The following BSN variants were observed in gnomAD, a reference collection of about 807,000 sequenced individuals.
BSN encodes bassoon presynaptic cytomatrix protein, also known as protein bassoon.
In BSN, 57 loss-of-function variants were observed where a neutral mutation model predicts 264.8. The ratio of observed to expected loss-of-function variants is 0.22; its 90% CI spans 0.17 to 0.27. BSN has a LOEUF of 0.27. Ranked by LOEUF, BSN falls within the 10% of genes least tolerant of loss-of-function variation. The pLI, the probability that BSN is intolerant of heterozygous loss-of-function variation, is 1.00. For synonymous variants in BSN, 2,059 were observed against 2,137.3 expected (o/e 0.96, Z 1.01); for missense variants, 4,615 against 5,232.5 (o/e 0.88, Z 3.64).
intron 1 of BSN, among the ~76,000 whole-genome samples, chr3:49,591,409 C>T (rs762391976): frequency 2.7e-4 from 41 of 152,164 alleles, no homozygotes; most frequent in Non-Finnish European, 5.6e-4. Flanking sequence ...TTTACCAGCA[C>T]TCTTTGTCTT....
chr3:49,618,644 T>G (rs1312156480), intron 1 of BSN, among the ~76,000 whole-genome samples: 1 of 152,256 alleles, frequency 6.6e-6, no homozygotes, highest in African/African-American at 2.4e-5. Flanking sequence ...CCTGCGTAGC[T>G]ACTCAGACTG....
Position 49,642,320 on chromosome 3 carries a change from A to T in BSN, c.686A>T (p.Asp229Val). The T allele has an allele frequency of 6.3e-7, 1 of 1,593,638 alleles. No individual in the cohort carries two copies. Among genetic ancestry groups the T allele is most frequent in the Non-Finnish European group, 8.5e-7 (1 of 1,170,694 alleles). Reference sequence around the variant, plus strand: ...CAGATGCAGAGGGCTCTGGGAATGGACATGACCACTGCACCTCGCTCCAAG... The same window carrying T: ...CAGATGCAGAGGGCTCTGGGAATGGTCATGACCACTGCACCTCGCTCCAAG... ...NCQMQRALGM[D>V]MTTAPRSKSQ... The change falls in exon 3 of 12, where the codon GAC becomes GTC. Residue 229 changes from aspartate (D) to valine (V), a missense_variant. Physicochemically the swap from Asp to Val is radical, Grantham distance 152. Transcript: ENST00000296452. The surrounding 1 kb of genome is among the most constrained non-coding windows in gnomAD (Gnocchi z 7.0).
At position 49,653,308 on chromosome 3, in the gene BSN, G is replaced by C; in HGVS notation, c.3752G>C (p.Ser1251Thr). 6.2e-7 allele frequency: 1 copy of C among 1,612,432 alleles called. No homozygotes were observed. The highest frequency in any genetic ancestry group is 8.5e-7 in the Non-Finnish European group (1 of 1,179,696). ...CCTGCCGCAGAGGGCACGCCAGCCAGCCTGGGAGCAGCCGTGTACGAAGAA... is the reference window on the plus strand; with the variant it reads ...CCTGCCGCAGAGGGCACGCCAGCCACCCTGGGAGCAGCCGTGTACGAAGAA... ...AQPAAEGTPA[S>T]LGAAVYEEIL... The change falls in exon 5 of 12, where the codon AGC becomes ACC. Residue 1251 changes from serine (S) to threonine (T), a missense_variant. Around this residue, in one of 3 missense-constraint regions of BSN, gnomAD observed 3,415 missense variants for 3,866.4 expected, o/e 0.88. Transcript: ENST00000296452. The surrounding 1 kb of genome is among the most constrained non-coding windows in gnomAD (Gnocchi z 6.3).
At chr3:49,610,466 C>T (rs2052197155) in intron 1 of BSN, among the ~76,000 whole-genome samples, 1 of 151,096 alleles carries the variant, frequency 6.6e-6, no homozygotes, top group African/African-American at 2.4e-5. Flanking sequence ...GGCCTGTAAT[C>T]CCAGCTACTC....
At chr3:49,627,698 T>C (rs2052351533) in intron 2 of BSN, among the ~76,000 whole-genome samples, 1 of 152,198 alleles carries the variant, frequency 6.6e-6, no homozygotes, top group Non-Finnish European at 1.5e-5. Flanking sequence ...GGCCTGAGAT[T>C]CTGGGCATGT....
chr3:49,612,508 G>A (rs2052216403), intron 1 of BSN, among the ~76,000 whole-genome samples: 2 of 152,174 alleles, frequency 1.3e-5, no homozygotes, highest in African/African-American at 4.8e-5. Context: ...ACTTGTCAGA[G>A]TCCAGAGGGC....
rs779437137 is a variant in BSN at position 49,625,079 on chromosome 3, G to T, written c.329G>T (p.Arg110Leu). 6.2e-7 allele frequency: 1 copy of T among 1,607,518 alleles called. No homozygotes were observed. The highest frequency in any genetic ancestry group is 1.7e-5 in the Admixed American group (1 of 58,498). ...SATTPGHESP[R>L]ETRAQGPAGQ... ...ACCACTCCTGGCCATGAGAGCCCCC[G>T]AGAGACAAGGGCACAGGGACCAGCA... Residue 110 changes from arginine (R) to leucine (L), a missense_variant, in exon 2 of 12, where the codon CGA (arginine) becomes CTA (leucine). Physicochemically the swap from Arg to Leu is moderately radical, Grantham distance 102 (BLOSUM62 -2). Coordinates refer to ENST00000296452, the MANE Select transcript of BSN (RefSeq NM_003458.4). The surrounding 1 kb of genome is among the most constrained non-coding windows in gnomAD (Gnocchi z 4.4).
intron 2 of BSN, chr3:49,641,540 A>T (rs1341342672): frequency 6.6e-6 from 1 of 152,184 alleles, no homozygotes; most frequent in African/African-American, 2.4e-5. Flanking sequence ...GGCATGAATT[A>T]TCCCACTTCT....
At chr3:49,605,935 T>A (rs796584358) in intron 1 of BSN, among the ~76,000 whole-genome samples, 34 of 86,666 alleles carry the variant, frequency 3.9e-4, no homozygotes, top group East Asian at 2.1e-3. Flanking sequence ...TAAAATCTAT[T>A]TATATATAAA....
At chr3:49,619,414 C>G (rs981941470) in intron 1 of BSN, among the ~76,000 whole-genome samples, 5 of 152,332 alleles carry the variant, frequency 3.3e-5, no homozygotes, top group South Asian at 4.1e-4. Context: ...CTTTCTACCC[C>G]CTCTACAGCT....
At chr3:49,636,665 C>T (rs1478879858) in intron 2 of BSN, among the ~76,000 whole-genome samples, 1 of 152,216 alleles carries the variant, frequency 6.6e-6, no homozygotes, top group Non-Finnish European at 1.5e-5. Context: ...TGGGCAGGTT[C>T]CCAAGACCTT....
At chr3:49,589,771 G>C (rs551288977) in intron 1 of BSN, among the ~76,000 whole-genome samples, 2 of 150,530 alleles carry the variant, frequency 1.3e-5, no homozygotes, top group Non-Finnish European at 2.9e-5. Context: ...GCCTCCTGAA[G>C]TGCTGGGATT....
chr3:49,608,172 A>G (rs1185602691), intron 1 of BSN, among the ~76,000 whole-genome samples: 1 of 152,190 alleles, frequency 6.6e-6, no homozygotes, highest in African/African-American at 2.4e-5. Flanking sequence ...GCTGAGAGAG[A>G]AGGAAAGGCA....
Position 49,654,487 on chromosome 3 carries a change from G to A in BSN, c.4931G>A (p.Arg1644Gln), listed in dbSNP as rs536516626. Residue 1644 changes from arginine to glutamine, a missense_variant, in exon 5 of 12, where the codon CGG becomes CAG. Physicochemically the swap from Arg to Gln is conservative, Grantham distance 43. Around this residue, in one of 3 missense-constraint regions of BSN, gnomAD observed 3,415 missense variants for 3,866.4 expected, o/e 0.88. Transcript: ENST00000296452. The surrounding 1 kb of genome is among the most constrained non-coding windows in gnomAD (Gnocchi z 4.1). ...ALPAENISLC[R>Q]ISSVPGTSRV... ...CCTGCTGAGAACATCTCCCTGTGCC[G>A]GATCTCCTCTGTCCCTGGGACGTCT... 27 of 1,610,482 alleles carry A rather than the reference G, an allele frequency of 1.7e-5. No homozygotes were observed. Among genetic ancestry groups the A allele is most frequent in the Admixed American group, 1.5e-4 (9 of 59,782 alleles).
chr3:49,566,788 G>GAAA (rs36043715), intron 1 of BSN, among the ~76,000 whole-genome samples: 6 of 86,070 alleles, frequency 7.0e-5, no homozygotes, highest in Non-Finnish European at 1.1e-4. Flanking sequence ...TGTGTTTCAG[G>GAAA]AAAAAAAAAA....
At chr3:49,590,618 C>T (rs2051970927) in intron 1 of BSN, among the ~76,000 whole-genome samples, 2 of 151,874 alleles carry the variant, frequency 1.3e-5, no homozygotes, top group Admixed American at 6.6e-5. Context: ...AACTTAATTC[C>T]AGTGAAATAT....
At position 49,656,310 on chromosome 3, in the gene BSN, C is replaced by T. The variant is rs754518394; in HGVS notation, c.6754C>T (p.Pro2252Ser). Residue 2252 changes from proline to serine, a missense_variant, in exon 5 of 12, where the codon CCT becomes TCT. By Grantham distance (74) the Pro-to-Ser change is moderately conservative (BLOSUM62 -1). Coordinates refer to ENST00000296452, the MANE Select transcript of BSN (RefSeq NM_003458.4). Reference sequence around the variant, plus strand: ...TGTGCCCATGATTGCCCCCCGGGTACCTCTTGGACCCACAGGGCTGTACCG... The same window carrying T: ...TGTGCCCATGATTGCCCCCCGGGTATCTCTTGGACCCACAGGGCTGTACCG... The part of the protein sequence containing the change: ...TRVPMIAPRV[P>S]LGPTGLYRYP... 3.7e-6 allele frequency: 6 copies of T among 1,613,002 alleles called. No homozygotes were observed. The Admixed American group carries it at 8.3e-5, about 22-fold the overall frequency.
Position 49,625,146 on chromosome 3 carries a change from C to T in BSN, c.396C>T (p.Asp132=). 6.3e-7 allele frequency: 1 copy of T among 1,585,384 alleles called. No individual in the cohort carries two copies. The highest frequency in any genetic ancestry group is 2.3e-5 in the East Asian group (1 of 43,682). The change falls in exon 2 of 12, where the codon GAC becomes GAT. Residue 132 remains aspartate, a synonymous_variant. Coordinates refer to ENST00000296452, the MANE Select transcript of BSN (RefSeq NM_003458.4). This position sits in a 1 kb window ranked among gnomAD's most constrained non-coding sequence, Gnocchi z 4.4. ...GTCCCCGCAGGACGCTGCAGGTAGA[C>T]AGCAGGACACAGAGATCAGGGCGGT... ...ADGPRRTLQV[D]SRTQRSGRSP... is the part of the protein sequence containing the mutation.
intron 1 of BSN, among the ~76,000 whole-genome samples, chr3:49,594,807 A>G (rs902091982): frequency 6.6e-6 from 1 of 152,200 alleles, no homozygotes; most frequent in African/African-American, 2.4e-5. Flanking sequence ...CAGTCCATGA[A>G]CATAGTATAT....
Sources: gnomAD v4.1 joint callset for allele counts (sites outside exome capture counted in the v4.1 genomes callset) on GRCh38, gnomAD v4.1.1 for gene constraint, gnomAD v4.1.1 regional missense constraint, Gnocchi (gnomAD v3.1) non-coding constraint, MANE v1.5 for transcripts, NCBI Gene and HGNC (gene_info 2026-07-23, HGNC 2026-07-21) for gene names.